The following MYO18B variants were observed in gnomAD, a reference collection of about 807,000 sequenced individuals.
MYO18B encodes the protein unconventional myosin-XVIIIb.
Under a neutral mutation model 273.0 loss-of-function variants are expected in MYO18B, and 204 were observed. The ratio of observed to expected loss-of-function variants is 0.75; its 90% CI spans 0.67 to 0.84. MYO18B has a LOEUF of 0.84. Ranked by LOEUF, MYO18B falls within the 40% of genes least tolerant of loss-of-function variation. MYO18B has a pLI of 0.00. For synonymous variants in MYO18B, 1,330 were observed against 1,305.7 expected (o/e 1.02, Z -0.40); for missense variants, 3,212 against 3,287.6 (o/e 0.98, Z 0.56).
At chr22:25,876,368 A>G in intron 24 of MYO18B, 36 bp downstream of exon 24, 1 of 1,571,174 alleles carries the variant, frequency 6.4e-7, no homozygotes, top group Non-Finnish European at 8.7e-7. Flanking sequence ...CTGGGTGGCT[A>G]CTCCCCACAC....
At position 25,788,326 on chromosome 22, in the gene MYO18B, C is replaced by A. The variant is rs542545861; in HGVS notation, c.2376+2835C>A. On this transcript the variant is annotated intron_variant, in intron 11 of 43. Coordinates refer to ENST00000335473, the MANE Select transcript of MYO18B (RefSeq NM_032608.7). ...AGGGAATCTGGTGATCAGGATATGT[C>A]CCCCAATAATGGGAGTTGCTAAGTC... is the stretch of plus-strand genomic sequence containing the variant. 1.4e-3 allele frequency among the ~76,000 whole-genome samples: 209 copies of A among 152,310 alleles called. 1 individual carries two copies. Among genetic ancestry groups the A allele is most frequent in the Non-Finnish European group, 2.5e-3 (170 of 68,032 alleles).
At chr22:25,960,264 G>T (rs1003820689) in intron 39 of MYO18B, among the ~76,000 whole-genome samples, 2 of 152,136 alleles carry the variant, frequency 1.3e-5, no homozygotes, top group African/African-American at 4.8e-5. Context: ...TCATTAGAGC[G>T]ATGAAGCAAC....
At chr22:25,769,926 C>T (rs574037592) in intron 4 of MYO18B, 184 bp from the exon 5 acceptor site, 21 of 612,608 alleles carry the variant, frequency 3.4e-5, no homozygotes, top group Non-Finnish European at 4.5e-5. Context: ...GGTGTGATCT[C>T]GGCTCCACCT....
At chr22:25,802,838 C>A (rs1569041282) in intron 12 of MYO18B, among the ~76,000 whole-genome samples, 1 of 151,914 alleles carries the variant, frequency 6.6e-6, no homozygotes, top group African/African-American at 2.4e-5. Context: ...TTTCCCCCAG[C>A]CATAAACAAC....
chr22:25,992,723 G>T (rs1046897599), intron 40 of MYO18B, among the ~76,000 whole-genome samples: 1 of 152,194 alleles, frequency 6.6e-6, no homozygotes, highest in East Asian at 1.9e-4. Flanking sequence ...CAAGCCTTTG[G>T]TGAGGCAATG....
At chr22:26,010,200 T>G (rs1934787012) in intron 42 of MYO18B, among the ~76,000 whole-genome samples, 1 of 152,102 alleles carries the variant, frequency 6.6e-6, no homozygotes, top group African/African-American at 2.4e-5. Flanking sequence ...GCCAACACCT[T>G]TAAGTCAAGC....
chr22:25,963,561 T>C (rs536749857), intron 39 of MYO18B, among the ~76,000 whole-genome samples: 3 of 147,978 alleles, frequency 2.0e-5, no homozygotes, highest in African/African-American at 7.5e-5. Flanking sequence ...GACCTCAGCT[T>C]AACTCATTAC....
At chr22:25,889,373 G>A (rs545724078) in intron 25 of MYO18B, among the ~76,000 whole-genome samples, 1 of 152,184 alleles carries the variant, frequency 6.6e-6, no homozygotes, top group East Asian at 1.9e-4. Flanking sequence ...ATGATGCAGA[G>A]GGTCCGATGA....
At chr22:25,861,032 G>A (rs1295121051) in intron 21 of MYO18B, among the ~76,000 whole-genome samples, 1 of 152,038 alleles carries the variant, frequency 6.6e-6, no homozygotes, top group East Asian at 1.9e-4. Context: ...CAGACTACAG[G>A]CATATGCCAC....
chr22:25,975,944 A>G (rs2093084168), intron 39 of MYO18B, among the ~76,000 whole-genome samples: 1 of 152,220 alleles, frequency 6.6e-6, no homozygotes, highest in African/African-American at 2.4e-5. Flanking sequence ...GGTTTGTCCT[A>G]GATTCAAATT....
intron 31 of MYO18B, 145 bp downstream of exon 31, chr22:25,903,976 A>G: frequency 1.2e-6 from 1 of 863,272 alleles, no homozygotes. Flanking sequence ...TTAAGCTCCT[A>G]AGTCTGACAT....
chr22:25,947,128 TACAC>T (rs1208411640), intron 35 of MYO18B, among the ~76,000 whole-genome samples: 5 of 149,468 alleles, frequency 3.3e-5, no homozygotes, highest in Non-Finnish European at 6.0e-5. Flanking sequence ...CACACACACA[TACAC>T]ATACATGCGC....
intron 10 of MYO18B, among the ~76,000 whole-genome samples, chr22:25,782,956 C>T (rs1292203166): frequency 1.3e-5 from 2 of 152,216 alleles, no homozygotes; most frequent in African/African-American, 4.8e-5. Flanking sequence ...ATGTTGGCTT[C>T]TCCACTTGTT....
chr22:25,952,563 G>C (rs2092805171), intron 38 of MYO18B, 140 bp downstream of exon 38: 1 of 1,146,586 alleles, frequency 8.7e-7, no homozygotes, highest in Non-Finnish European at 1.2e-6. Context: ...TCTCACCCAA[G>C]CTCCCTCCCT....
intron 27 of MYO18B, 137 bp downstream of exon 27, chr22:25,891,549 C>T: frequency 3.2e-6 from 2 of 630,286 alleles, no homozygotes; most frequent in Non-Finnish European, 2.9e-6. Context: ...CAAACAGGCA[C>T]AGCGTACTCT....
intron 14 of MYO18B, among the ~76,000 whole-genome samples, chr22:25,826,858 A>G (rs2089510965): frequency 6.6e-6 from 1 of 152,188 alleles, no homozygotes; most frequent in Non-Finnish European, 1.5e-5. Flanking sequence ...TCAGGAATTC[A>G]AGACCAGCCT....
At chr22:25,807,552 G>T (rs1569047862) in intron 12 of MYO18B, among the ~76,000 whole-genome samples, 2 of 152,184 alleles carry the variant, frequency 1.3e-5, no homozygotes, top group Non-Finnish European at 2.9e-5. Flanking sequence ...GGCTGGAATA[G>T]CCCATTTCCC....
At chr22:25,863,849 T>C (rs2090811038) in intron 21 of MYO18B, among the ~76,000 whole-genome samples, 1 of 152,214 alleles carries the variant, frequency 6.6e-6, no homozygotes, top group African/African-American at 2.4e-5. Flanking sequence ...TCTCTCTTAT[T>C]CTTGTGTTTA....
intron 22 of MYO18B, among the ~76,000 whole-genome samples, chr22:25,871,944 A>T (rs2091058546): frequency 6.6e-6 from 1 of 151,918 alleles, no homozygotes; most frequent in South Asian, 2.1e-4. Context: ...CTATTGTAAT[A>T]TACGATCTGG....
Sources: gnomAD v4.1 joint callset for allele counts (sites outside exome capture counted in the v4.1 genomes callset) on GRCh38, gnomAD v4.1.1 for gene constraint, MANE v1.5 for transcripts, NCBI Gene and HGNC (gene_info 2026-07-23, HGNC 2026-07-21) for gene names.